The following SMAD2 variants were observed in gnomAD, a reference collection of about 807,000 sequenced individuals.
The protein encoded by SMAD2 is MAD homolog 2.
A neutral mutation model predicts 64.4 loss-of-function variants in SMAD2; 8 were observed. That is an observed-to-expected ratio of 0.12 (90% CI 0.07 to 0.22). The LOEUF (loss-of-function observed/expected upper bound fraction) is 0.22. Ranked by LOEUF, SMAD2 falls within the 10% of genes least tolerant of loss-of-function variation. SMAD2 has a pLI of 1.00. For missense variants in SMAD2, 289 were observed against 561.2 expected, an observed-to-expected ratio of 0.51 and a Z score of 4.90; for synonymous variants, 203 against 195.8, an observed-to-expected ratio of 1.04 and a Z score of -0.31.
intron 1 of SMAD2, among the ~76,000 whole-genome samples, chr18:47,927,548 G>C (rs1251916632): frequency 1.3e-5 from 2 of 152,210 alleles, no homozygotes; most frequent in Non-Finnish European, 2.9e-5. Flanking sequence ...GCCTAGTCCA[G>C]AGCCTGACAC....
At chr18:47,865,482 AT>A (rs1392563825) in intron 5 of SMAD2, among the ~76,000 whole-genome samples, 1 of 152,180 alleles carries the variant, frequency 6.6e-6, no homozygotes, top group Non-Finnish European at 1.5e-5. Context: ...AGTAACTACA[AT>A]TTTTTGTTGT....
intron 5 of SMAD2, among the ~76,000 whole-genome samples, chr18:47,868,108 A>C (rs2031698246): frequency 6.6e-6 from 1 of 152,226 alleles, no homozygotes; most frequent in Non-Finnish European, 1.5e-5. Context: ...CTGCAAAAGA[A>C]AATGAAATAT....
At chr18:47,866,332 A>AG (rs1253268889) in intron 5 of SMAD2, among the ~76,000 whole-genome samples, 2 of 150,842 alleles carry the variant, frequency 1.3e-5, no homozygotes, top group Non-Finnish European at 3.0e-5. Context: ...AAAAAAAAAA[A>AG]AAAAAAAAAG....
At chr18:47,916,383 C>T (rs1285908186) in intron 1 of SMAD2, among the ~76,000 whole-genome samples, 1 of 149,582 alleles carries the variant, frequency 6.7e-6, no homozygotes, top group Non-Finnish European at 1.5e-5. Context: ...TAAAATTTTA[C>T]ATTGGTACAG....
In SMAD2 at chr18:47,845,775, T is replaced by A. The variant is rs2144290931; in HGVS notation, c.1023A>T (p.Ile341=). 6.2e-7 allele frequency: 1 copy of A among 1,613,842 alleles called. No homozygotes were observed. Among genetic ancestry groups the A allele is most frequent in the Non-Finnish European group, 8.5e-7 (1 of 1,179,756 alleles). Residue 341 remains isoleucine (I), a synonymous_variant, in exon 9 of 11, where the codon ATA becomes ATT. Coordinates refer to ENST00000262160, the MANE Select transcript of SMAD2 (RefSeq NM_005901.6). The part of the protein sequence containing the change: ...HIGRGVRLYY[I]GGEVFAECLS... ...GGCACTCAGCAAAAACTTCCCCACC[T>A]ATGTAGTATAAGCGCACTCCTCTTC...
In SMAD2 at chr18:47,840,415, C is replaced by G. The variant is rs779350487; in HGVS notation, c.*1412G>C. The G allele has an allele frequency of 4.3e-6, 1 of 232,852 alleles. No homozygotes were observed. The allele number at this position is 232,852 out of a possible 1,614,324, so 14.4% of individuals were successfully genotyped here. On this transcript the variant is annotated 3_prime_UTR_variant, in exon 11 of 11. Transcript: ENST00000262160. ...CTAGCAACAGAGTTTCGGAAATCTC[C>G]TCTCACTACAGAGCATGAAATATTG...
rs1033171601 is a variant in SMAD2 at position 47,810,687 on chromosome 18, C to T, written c.*31140G>A. 2 of 152,212 alleles carry T rather than the reference C, an allele frequency of 1.3e-5. No individual in the cohort carries two copies. The highest frequency in any genetic ancestry group is 2.9e-5 in the Non-Finnish European group (2 of 68,060). The allele number at this position is 152,212 out of a possible 1,614,324, so 9.4% of individuals were successfully genotyped here. On this transcript the variant is annotated 3_prime_UTR_variant, in exon 11 of 11. Coordinates refer to ENST00000262160, the MANE Select transcript of SMAD2 (RefSeq NM_005901.6). The stretch of plus-strand genomic sequence containing the variant: ...TGGTGGCTCATGCCTGTAATCCCAA[C>T]ACGTTGGGAGGCTGAGGTGGGAGGA...
At chr18:47,869,474 TAAAAAAAAA>T (rs34501809) in intron 3 of SMAD2, 38 bp from the exon 4 acceptor site, 2 of 1,066,854 alleles carry the variant, frequency 1.9e-6, no homozygotes, top group South Asian at 3.1e-5. Flanking sequence ...GAGGGAACTT[TAAAAAAAAA>T]AAAAAAAAAG....
At chr18:47,890,465 T>C (rs1489375524) in intron 2 of SMAD2, among the ~76,000 whole-genome samples, 1 of 152,154 alleles carries the variant, frequency 6.6e-6, no homozygotes, top group African/African-American at 2.4e-5. Flanking sequence ...AAAACAAAAA[T>C]AGAGAACGAA....
Position 47,828,271 on chromosome 18 carries a change from G to C in SMAD2, c.*13556C>G, listed in dbSNP as rs184530434. On this transcript the variant is annotated 3_prime_UTR_variant, in exon 11 of 11. Coordinates refer to ENST00000262160, the MANE Select transcript of SMAD2 (RefSeq NM_005901.6). ...CGGCCAGCCGCCCCGTCCGGGAGGT[G>C]GGGGGCAACCCCCGCCCGGCCAGCT... 6.5e-6 allele frequency: 1 copy of C among 154,476 alleles called. No homozygotes were observed. Among genetic ancestry groups the C allele is most frequent in the African/African-American group, 2.4e-5 (1 of 41,304 alleles). The allele number at this position is 154,476 out of a possible 1,614,324, so 9.6% of individuals were successfully genotyped here. A position where few individuals can be genotyped will look rare whatever the true frequency, so the allele number is the denominator to read the frequency against.
chr18:47,813,290 G>C lies in SMAD2; in HGVS notation c.*28537C>G, dbSNP rs1262908504. ...ATCTCACTTTGTCATCCAGGCTAGA[G>C]TGCAGTAGCACAAACATGGCTCATG... On this transcript the variant is annotated 3_prime_UTR_variant, in exon 11 of 11. Transcript: ENST00000262160. 2 of 152,098 alleles carry C rather than the reference G, an allele frequency of 1.3e-5. No homozygotes were observed. The highest frequency in any genetic ancestry group is 4.8e-5 in the African/African-American group (2 of 41,392). The allele number at this position is 152,098 out of a possible 1,614,324, so 9.4% of individuals were successfully genotyped here. A position where few individuals can be genotyped will look rare whatever the true frequency, so the allele number is the denominator to read the frequency against.
chr18:47,828,228 T>A lies in SMAD2; in HGVS notation c.*13599A>T, dbSNP rs1598725753. 1 of 144,792 alleles carries A rather than the reference T, an allele frequency of 6.9e-6. No homozygotes were observed. The highest frequency in any genetic ancestry group is 7.0e-5 in the Admixed American group (1 of 14,288). The allele number at this position is 144,792 out of a possible 1,614,324, so 9.0% of individuals were successfully genotyped here. On this transcript the variant is annotated 3_prime_UTR_variant, in exon 11 of 11. Transcript: ENST00000262160. ...GCAGCCGCCCCGTCTGGGAGGGAGGTGGGGGGCAGCCCCTGCTCGGCCAGC... is the reference window on the plus strand; with the variant it reads ...GCAGCCGCCCCGTCTGGGAGGGAGGAGGGGGGCAGCCCCTGCTCGGCCAGC...
At position 47,851,358 on chromosome 18, in the gene SMAD2, G is replaced by A. The variant is rs779142053; in HGVS notation, c.731-31C>T. 14 of 1,467,894 alleles carry A rather than the reference G, an allele frequency of 9.5e-6. No individual in the cohort carries two copies. In the East Asian group the frequency reaches 3.0e-4, roughly 31 times the overall value. 90.9% of individuals were successfully genotyped at this position (1,467,894 alleles called of 1,614,324 possible). ...ACAAAAGGATTTAAAAATAAATGAAGTATTTCCAGAACTTCTGATCAAGTA... is the reference window on the plus strand; with the variant it reads ...ACAAAAGGATTTAAAAATAAATGAAATATTTCCAGAACTTCTGATCAAGTA... On this transcript the variant is annotated intron_variant, in intron 6 of 10. Transcript: ENST00000262160.
In SMAD2 at chr18:47,838,831, T is replaced by C. The variant is rs973991428; in HGVS notation, c.*2996A>G. The C allele has an allele frequency of 1.3e-5, 3 of 232,820 alleles. No individual in the cohort carries two copies. The highest frequency in any genetic ancestry group is 2.5e-5 in the Non-Finnish European group (3 of 117,824). The allele number at this position is 232,820 out of a possible 1,614,324, so 14.4% of individuals were successfully genotyped here. ...TGGAACCTACTGGAAAAAATATTAC[T>C]CATCTTAGAAATGTGATAGAAAGCA... On this transcript the variant is annotated 3_prime_UTR_variant, in exon 11 of 11. Coordinates refer to ENST00000262160, the MANE Select transcript of SMAD2 (RefSeq NM_005901.6).
At chr18:47,882,900 T>A (rs955634126) in intron 2 of SMAD2, among the ~76,000 whole-genome samples, 1 of 152,198 alleles carries the variant, frequency 6.6e-6, no homozygotes, top group African/African-American at 2.4e-5. Context: ...ATAAAATTGT[T>A]TATAATATTT....
In SMAD2 at chr18:47,856,017, T is replaced by C. The variant is rs189894862; in HGVS notation, c.731-4690A>G. Among the ~76,000 whole-genome samples, 78 of 152,140 alleles carry C rather than the reference T, an allele frequency of 5.1e-4. No individual in the cohort carries two copies. In the East Asian group the frequency reaches 0.013, roughly 25 times the overall value. On this transcript the variant is annotated intron_variant, in intron 6 of 10. Coordinates refer to ENST00000262160, the MANE Select transcript of SMAD2 (RefSeq NM_005901.6). ...AAGAAATGGAGGGTTATACACACAA[T>C]TGAATGTTATCCTGCCTTAAAAAGG...
chr18:47,929,757 C>G (rs983735557), intron 1 of SMAD2, among the ~76,000 whole-genome samples: 3 of 152,104 alleles, frequency 2.0e-5, no homozygotes, highest in East Asian at 3.8e-4. Flanking sequence ...ACAATATCCC[C>G]CTCCAAGAGA....
intron 6 of SMAD2, among the ~76,000 whole-genome samples, chr18:47,859,072 G>A (rs192245506): frequency 6.6e-6 from 1 of 152,054 alleles, no homozygotes; most frequent in Admixed American, 6.5e-5. Context: ...TGTAACCAGA[G>A]GTAAGAAAGA....
intron 1 of SMAD2, among the ~76,000 whole-genome samples, chr18:47,915,926 A>C (rs1018291730): frequency 6.6e-6 from 1 of 152,126 alleles, no homozygotes; most frequent in African/African-American, 2.4e-5. Context: ...GTTTTTTAAC[A>C]CCCTTTTGAA....
Sources: gnomAD v4.1 joint callset for allele counts (sites outside exome capture counted in the v4.1 genomes callset) on GRCh38, gnomAD v4.1.1 for gene constraint, MANE v1.5 for transcripts, NCBI Gene and HGNC (gene_info 2026-07-23, HGNC 2026-07-21) for gene names.